MYOM2: variants seen among roughly 807,000 people sequenced by gnomAD.
MYOM2 encodes myomesin 2.
Under a neutral mutation model 187.6 loss-of-function variants are expected in MYOM2, and 254 were observed. That is an observed-to-expected ratio of 1.35 (90% confidence interval 1.22 to 1.50). The LOEUF is 1.50. MYOM2 is among the 40% of genes most tolerant of loss of function. The pLI, the probability that MYOM2 is intolerant of heterozygous loss-of-function variation, is 0.00. For synonymous variants in MYOM2, 981 were observed against 753.8 expected, an observed-to-expected ratio of 1.30 and a Z score of -4.94; for missense variants, 2,796 against 1,924.0, an observed-to-expected ratio of 1.45 and a Z score of -8.48.
In MYOM2 at chr8:2,106,535, C is replaced by T; in HGVS notation, c.2936C>T (p.Thr979Ile). The T allele has an allele frequency of 6.2e-7, 1 of 1,612,604 alleles. No homozygotes were observed. ...AATCCGGATAAGGAGGATTTAGGGACTTACTCCGTGTCTGTAAGTGATACA... is the reference window on the plus strand; with the variant it reads ...AATCCGGATAAGGAGGATTTAGGGATTTACTCCGTGTCTGTAAGTGATACA... Reference protein sequence around the residue: ...LKNPDKEDLGTYSVSVSDTDG... With the variant: ...LKNPDKEDLGIYSVSVSDTDG... The change falls in exon 23 of 37, where the codon ACT (threonine) becomes ATT (isoleucine). Residue 979 changes from threonine (T) to isoleucine (I), a missense_variant. Thr to Ile is a moderately conservative substitution (Grantham distance 89, BLOSUM62 -1). Transcript: ENST00000262113.
chr8:2,116,336 TATTTGTCAGAAGC>T (rs1797245198), intron 27 of MYOM2, 61 bp downstream of exon 27: 1 of 1,489,888 alleles, frequency 6.7e-7, no homozygotes, highest in African/African-American at 1.4e-5. Context: ...ATGATTGGAG[TATTTGTCAGAAGC>T]AGATCTTGCA....
intron 13 of MYOM2, among the ~76,000 whole-genome samples, chr8:2,080,974 C>T (rs1585867421): frequency 3.1e-5 from 4 of 129,848 alleles, no homozygotes; most frequent in Admixed American, 8.1e-5. Flanking sequence ...TTCTGGCCTG[C>T]GGGAGGAACA....
chr8:2,062,810 C>T (rs150665416), intron 6 of MYOM2, among the ~76,000 whole-genome samples: 63 of 152,178 alleles, frequency 4.1e-4, no homozygotes, highest in Non-Finnish European at 7.9e-4. Context: ...CAGCTTGTTC[C>T]CAAGCTGTGT....
At position 2,142,399 on chromosome 8, in the gene MYOM2, T is replaced by C; in HGVS notation, c.4024+2T>C. 6.2e-7 allele frequency: 1 copy of C among 1,613,744 alleles called. No homozygotes were observed. The highest frequency in any genetic ancestry group is 8.5e-7 in the Non-Finnish European group (1 of 1,179,640). On this transcript the variant is annotated splice_donor_variant, in intron 35 of 36. Coordinates refer to ENST00000262113, the MANE Select transcript of MYOM2 (RefSeq NM_003970.4). LOFTEE classifies it high-confidence loss of function. ...GAGCTGCTGCTTTTGCAGAGAAGAG[T>C]AAGTACCTGTTGGATTGTAACCAGG...
rs766539938 is a variant in MYOM2 at position 2,140,895 on chromosome 8, ATTC to A, written c.3964+15_3964+17del. 8.1e-6 allele frequency: 13 copies of A among 1,596,132 alleles called. No individual in the cohort carries two copies. The East Asian group carries it at 2.9e-4, about 36-fold the overall frequency. On this transcript the variant is annotated intron_variant, in intron 33 of 36. Coordinates refer to ENST00000262113, the MANE Select transcript of MYOM2 (RefSeq NM_003970.4). ...TGACCTGTCCGGACAAGGTAAGAGA[ATTC>A]TTCTTTAGCATTTAATAATTTCCTA...
Position 2,092,428 on chromosome 8 carries a change from T to C in MYOM2, c.1911T>C (p.His637=), listed in dbSNP as rs2116737576. The C allele has an allele frequency of 6.2e-7, 1 of 1,614,122 alleles. No homozygotes were observed. The highest frequency in any genetic ancestry group is 8.5e-7 in the Non-Finnish European group (1 of 1,180,012). Residue 637 remains histidine (H), a synonymous_variant, in exon 16 of 37, where the codon CAT becomes CAC. Transcript: ENST00000262113. The stretch of plus-strand genomic sequence containing the variant: ...TGGTGCAGTGGGACCGACCTAAGCA[T>C]GAGGAGGACCTGCTGGGCTACTACG... ...SVVVQWDRPK[H]EEDLLGYYVD...
intron 1 of MYOM2, 47 bp from the exon 2 acceptor site, chr8:2,050,708 A>C: frequency 8.5e-7 from 1 of 1,178,866 alleles, no homozygotes; most frequent in East Asian, 2.4e-5. Flanking sequence ...CAGAGGCCTC[A>C]TGATGCTTGC....
In MYOM2 at chr8:2,086,279, C is replaced by T. The variant is rs1347431118; in HGVS notation, c.1644+889C>T. ...GGCCCCACTGTCATGATCTCTGGCA[C>T]CCCACTGTCGTGATCTCCGCGTGGC... is the stretch of plus-strand genomic sequence containing the variant. On this transcript the variant is annotated intron_variant, in intron 14 of 36. Transcript: ENST00000262113. Among the ~76,000 whole-genome samples, 26 of 122,408 alleles carry T rather than the reference C, an allele frequency of 2.1e-4. 4 individuals are homozygous for T. Among genetic ancestry groups the T allele is most frequent in the Admixed American group, 4.9e-4 (6 of 12,352 alleles). 80.3% of individuals were successfully genotyped at this position (122,408 alleles called of 152,430 possible).
intron 27 of MYOM2, among the ~76,000 whole-genome samples, chr8:2,117,379 A>T (rs1052801222): frequency 2.6e-5 from 4 of 152,242 alleles, no homozygotes; most frequent in African/African-American, 9.6e-5. Flanking sequence ...TTTTTTAAAA[A>T]CATATATAAA....
Position 2,129,193 on chromosome 8 carries a change from A to G in MYOM2, c.3761A>G (p.Lys1254Arg). The change falls in exon 32 of 37, where the codon AAG (lysine) becomes AGG (arginine). Residue 1254 changes from lysine (K) to arginine (R), a missense_variant. By Grantham distance (26) the Lys-to-Arg change is conservative. Coordinates refer to ENST00000262113, the MANE Select transcript of MYOM2 (RefSeq NM_003970.4). ...GGAATACGACTTCAGTGTTTCATGA[A>G]GTATTTTACAGACGAAATGAAAGTG... ...PEGIRLQCFM[K>R]YFTDEMKVNW... 6.2e-7 allele frequency: 1 copy of G among 1,611,670 alleles called. No homozygotes were observed.
intron 4 of MYOM2, 44 bp from the exon 5 acceptor site, chr8:2,057,579 G>C (rs769009915): frequency 4.9e-5 from 79 of 1,613,010 alleles, no homozygotes; most frequent in Non-Finnish European, 6.4e-5. Context: ...GGTGGAGCTT[G>C]GCTCGCTGCC....
chr8:2,080,710 A>C (rs1447414474), intron 13 of MYOM2, among the ~76,000 whole-genome samples: 1 of 152,264 alleles, frequency 6.6e-6, no homozygotes, highest in African/African-American at 2.4e-5. Context: ...TTTTCGGATG[A>C]TTAAAACATG....
chr8:2,141,776 G>A (rs1359885159), intron 34 of MYOM2, among the ~76,000 whole-genome samples: 1 of 152,168 alleles, frequency 6.6e-6, no homozygotes, highest in Non-Finnish European at 1.5e-5. Context: ...TTTTGGGCTG[G>A]ACTTAGGCGG....
chr8:2,049,377 C>T (rs936950264), intron 1 of MYOM2, among the ~76,000 whole-genome samples: 2 of 152,122 alleles, frequency 1.3e-5, no homozygotes, highest in African/African-American at 4.8e-5. Context: ...TTTGGGTAAT[C>T]GCTAGTGATC....
intron 19 of MYOM2, among the ~76,000 whole-genome samples, chr8:2,099,456 C>CA (rs1796609581): frequency 6.6e-6 from 1 of 150,736 alleles, no homozygotes; most frequent in Non-Finnish European, 1.5e-5. Context: ...CTGGGGATCT[C>CA]GGGGGAGGCA....
chr8:2,107,741 A>G (rs751540255), intron 23 of MYOM2, among the ~76,000 whole-genome samples: 1 of 152,156 alleles, frequency 6.6e-6, no homozygotes, highest in Non-Finnish European at 1.5e-5. Flanking sequence ...ATCCATTTGC[A>G]TGCTTTTAAA....
At chr8:2,095,512 A>T (rs1049659072) in intron 17 of MYOM2, among the ~76,000 whole-genome samples, 1 of 152,090 alleles carries the variant, frequency 6.6e-6, no homozygotes, top group Non-Finnish European at 1.5e-5. Flanking sequence ...GGCTGATCTC[A>T]AACTCAGGAG....
At chr8:2,137,546 C>G (rs917670584) in intron 32 of MYOM2, among the ~76,000 whole-genome samples, 2 of 147,446 alleles carry the variant, frequency 1.4e-5, no homozygotes, top group African/African-American at 5.2e-5. Context: ...CACACATAGC[C>G]AAGTTGGCTG....
At chr8:2,099,148 T>G (rs1157991559) in intron 19 of MYOM2, among the ~76,000 whole-genome samples, 165 bp downstream of exon 19, 1 of 152,222 alleles carries the variant, frequency 6.6e-6, no homozygotes, top group African/African-American at 2.4e-5. Flanking sequence ...GGGCTGTGAA[T>G]CAGGCAGACC....
Sources: allele counts gnomAD v4.1 joint callset (sites outside exome capture counted in the v4.1 genomes callset), GRCh38; gene constraint gnomAD v4.1.1; transcripts MANE v1.5; gene names NCBI Gene and HGNC (gene_info 2026-07-23, HGNC 2026-07-21).